The following GSE1 variants were observed in gnomAD, a reference collection of about 807,000 sequenced individuals.
GSE1 encodes the protein Gse1 coiled-coil protein, also known as genetic suppressor element 1.
In GSE1, 32 loss-of-function variants were observed where a neutral mutation model predicts 112.6. The ratio of observed to expected loss-of-function variants is 0.28; its 90% CI spans 0.21 to 0.38. The LOEUF is 0.38. Among genes scored for constraint, GSE1 ranks in the 10% least tolerant of loss-of-function variants. The pLI is 1.00. For synonymous variants in GSE1, 1,115 were observed against 735.6 expected (o/e 1.52, Z -8.35); for missense variants, 2,348 against 1,699.2 (o/e 1.38, Z -6.71).
intron 1 of GSE1, among the ~76,000 whole-genome samples, chr16:85,338,613 A>G (rs924043479): frequency 5.9e-5 from 9 of 152,272 alleles, no homozygotes. Flanking sequence ...TTAAGGGGTT[A>G]CCATCAGGGG....
intron 2 of GSE1, among the ~76,000 whole-genome samples, chr16:85,493,975 T>A (rs1371750267): frequency 1.3e-5 from 2 of 152,118 alleles, no homozygotes; most frequent in African/African-American, 4.8e-5. Flanking sequence ...CCCAGCTACC[T>A]TGGGAGGCTG....
intron 1 of GSE1, among the ~76,000 whole-genome samples, chr16:85,343,907 C>T (rs193129918): frequency 1.1e-3 from 170 of 152,328 alleles, no homozygotes; most frequent in Non-Finnish European, 1.7e-3. Context: ...TAGCTCCTCC[C>T]GTGCCACTTG....
chr16:85,218,171 G>A (rs529958720), intron 1 of GSE1, among the ~76,000 whole-genome samples: 28 of 152,176 alleles, frequency 1.8e-4, no homozygotes, highest in African/African-American at 6.3e-4. Flanking sequence ...CAAAGTGCTG[G>A]GATTACAGAC....
chr16:85,280,204 C>G (rs1000678576), intron 1 of GSE1, among the ~76,000 whole-genome samples: 1 of 152,146 alleles, frequency 6.6e-6, no homozygotes, highest in Non-Finnish European at 1.5e-5. Context: ...GGCCCTGGCC[C>G]AGGAGTCGGA....
intron 2 of GSE1, among the ~76,000 whole-genome samples, chr16:85,512,718 A>C (rs769774773): frequency 6.6e-6 from 1 of 152,138 alleles, no homozygotes; most frequent in African/African-American, 2.4e-5. Flanking sequence ...TCCGATATCA[A>C]AGCGCTCCCA....
intron 1 of GSE1, among the ~76,000 whole-genome samples, chr16:85,265,399 C>G (rs1908132278): frequency 6.6e-6 from 1 of 152,158 alleles, no homozygotes; most frequent in Non-Finnish European, 1.5e-5. Context: ...TGCTGTCCTC[C>G]CCCTGTTGAG....
At chr16:85,280,032 C>T (rs2044809432) in intron 1 of GSE1, among the ~76,000 whole-genome samples, 1 of 152,206 alleles carries the variant, frequency 6.6e-6, no homozygotes, top group Admixed American at 6.5e-5. Context: ...AGAAAGTTCT[C>T]CTTTCACCCA....
intron 2 of GSE1, among the ~76,000 whole-genome samples, chr16:85,380,728 C>G (rs1014111418): frequency 6.6e-6 from 1 of 152,160 alleles, no homozygotes; most frequent in South Asian, 2.1e-4. Flanking sequence ...TTAATACTCA[C>G]TGGGGGTCCT....
chr16:85,473,939 G>C (rs540992603), intron 2 of GSE1, among the ~76,000 whole-genome samples: 1 of 152,078 alleles, frequency 6.6e-6, no homozygotes, highest in Non-Finnish European at 1.5e-5. Context: ...CAATGCCTGG[G>C]AGAGAGCTCC....
rs562986626 is a variant in GSE1, at chr16:85,313,356, G to A, written c.2284-44107G>A. Among the ~76,000 whole-genome samples, 41 of 152,264 alleles carry A rather than the reference G, an allele frequency of 2.7e-4. 1 individual carries two copies. The highest frequency in any genetic ancestry group is 6.8e-3 in the Middle Eastern group (2 of 294). Reference sequence around the variant, plus strand: ...GCTTGACCTTGTCCAGCGTGATTCCGTGTTTGGGGAGGGCTGCCCCTGCCC... The same window carrying A: ...GCTTGACCTTGTCCAGCGTGATTCCATGTTTGGGGAGGGCTGCCCCTGCCC... On this transcript the variant is annotated intron_variant, in intron 1 of 2. Coordinates refer to the GSE1 transcript ENST00000637419.
intron 2 of GSE1, among the ~76,000 whole-genome samples, chr16:85,476,704 G>T (rs139777657): frequency 1.3e-3 from 205 of 151,886 alleles, no homozygotes; most frequent in Non-Finnish European, 2.4e-3. Context: ...CACAATCACA[G>T]CTCAGTCGAT....
intron 1 of GSE1, among the ~76,000 whole-genome samples, chr16:85,301,745 C>T (rs921371154): frequency 6.6e-6 from 1 of 152,232 alleles, no homozygotes; most frequent in African/African-American, 2.4e-5. Flanking sequence ...CAGAGGGGCA[C>T]CCCCACAGGC....
At chr16:85,217,486 C>T (rs2075323425) in intron 1 of GSE1, among the ~76,000 whole-genome samples, 1 of 152,246 alleles carries the variant, frequency 6.6e-6, no homozygotes, top group South Asian at 2.1e-4. Flanking sequence ...GCGGCTCCTC[C>T]ATTCTCTGAG....
chr16:85,501,828 C>T (rs1021038842), intron 2 of GSE1, among the ~76,000 whole-genome samples: 6 of 152,228 alleles, frequency 3.9e-5, no homozygotes, highest in African/African-American at 1.2e-4. Context: ...AACCCAGCCC[C>T]GACAGGGCCC....
chr16:85,671,817 A>G (rs1160988297), intron 15 of GSE1: 1 of 154,900 alleles, frequency 6.5e-6, no homozygotes, highest in East Asian at 1.9e-4. Context: ...GCTCACAGCC[A>G]CACTAGCAGG....
chr16:85,549,377 G>A (rs2044823775), intron 2 of GSE1, among the ~76,000 whole-genome samples: 1 of 152,018 alleles, frequency 6.6e-6, no homozygotes, highest in Non-Finnish European at 1.5e-5. Context: ...GAGTCCCACT[G>A]TGTTGCCCAG....
At chr16:85,552,970 G>A (rs779116051), upstream of GSE1, among the ~76,000 whole-genome samples, 1 of 152,210 alleles carries the variant, frequency 6.6e-6, no homozygotes, top group Non-Finnish European at 1.5e-5. Flanking sequence ...ACTGTTGTTC[G>A]TGTAATCCCG....
chr16:85,535,026 T>A (rs940373557), intron 2 of GSE1, among the ~76,000 whole-genome samples: 4 of 152,180 alleles, frequency 2.6e-5, no homozygotes, highest in African/African-American at 7.2e-5. Context: ...TAGAGCTGAT[T>A]GTGCGGGACT....
At chr16:85,613,285 G>C (rs1177539782), upstream of GSE1, 5 of 1,537,298 alleles carry the variant, frequency 3.3e-6, no homozygotes, top group African/African-American at 4.2e-5. Flanking sequence ...CAGCGGGCCC[G>C]AGCTGCCGCC....
Sources: gnomAD v4.1 joint callset for allele counts (sites outside exome capture counted in the v4.1 genomes callset) on GRCh38, gnomAD v4.1.1 for gene constraint, MANE v1.5 for transcripts, NCBI Gene and HGNC (gene_info 2026-07-23, HGNC 2026-07-21) for gene names.